CD101: variants seen among roughly 807,000 people sequenced by gnomAD.
CD101 encodes immunoglobulin superfamily member 2.
In CD101, 76 loss-of-function variants were observed where a neutral mutation model predicts 98.2. That is an observed-to-expected ratio of 0.77 (90% CI 0.64 to 0.94). The LOEUF (loss-of-function observed/expected upper bound fraction) is 0.94. CD101 is among the 40% of genes least tolerant of loss of function. The probability of loss-of-function intolerance (pLI) is 0.00; values close to 1 mark genes in which losing one functional copy is unlikely to be tolerated. For missense variants in CD101, 1,145 were observed against 1,218.8 expected (o/e 0.94, Z 0.90); for synonymous variants, 471 against 472.7 (o/e 1.00, Z 0.05).
At chr1:117,007,948 T>C (rs1283908476) in intron 1 of CD101, among the ~76,000 whole-genome samples, 3 of 152,200 alleles carry the variant, frequency 2.0e-5, no homozygotes, top group African/African-American at 4.8e-5. Context: ...ATGAGCAGTG[T>C]AGCTGTGCAT....
intron 8 of CD101, among the ~76,000 whole-genome samples, chr1:117,028,102 T>TAAATAAAATA (rs1553188134): frequency 2.1e-5 from 3 of 145,448 alleles, no homozygotes; most frequent in South Asian, 2.2e-4. Context: ...AATAAATAAA[T>TAAATAAAATA]AAATAAAATA....
Position 117,019,069 on chromosome 1 carries a change from A to T in CD101, c.2017+509A>T, listed in dbSNP as rs994966639. On this transcript the variant is annotated intron_variant, in intron 6 of 9. Coordinates refer to ENST00000682167, the MANE Select transcript of CD101 (RefSeq NM_001256106.3). The surrounding 1 kb of genome is among the most constrained non-coding windows in gnomAD (Gnocchi z 4.3). The stretch of plus-strand genomic sequence containing the variant: ...ATTACAATCAAATATAATCCATCTC[A>T]TCAACTGATAATAGAGCATAGGAGT... Among the ~76,000 whole-genome samples the T allele has an allele frequency of 6.6e-6, 1 of 152,226 alleles. No homozygotes were observed. Among genetic ancestry groups the T allele is most frequent in the African/African-American group, 2.4e-5 (1 of 41,454 alleles).
intron 9 of CD101, among the ~76,000 whole-genome samples, chr1:117,034,868 C>A (rs1462758050): frequency 1.3e-5 from 2 of 152,220 alleles, no homozygotes; most frequent in Non-Finnish European, 2.9e-5. Flanking sequence ...CCCCCTACAC[C>A]TCCATATCCC....
At position 117,025,873 on chromosome 1, in the gene CD101, A is replaced by G; in HGVS notation, c.2793A>G (p.Ser931=). The G allele has an allele frequency of 6.2e-7, 1 of 1,613,424 alleles. No homozygotes were observed. The highest frequency in any genetic ancestry group is 2.2e-5 in the East Asian group (1 of 44,884). The change falls in exon 8 of 10, where the codon TCA becomes TCG. Residue 931 remains serine (S), a synonymous_variant. Coordinates refer to ENST00000682167, the MANE Select transcript of CD101 (RefSeq NM_001256106.3). ...GGATTAATCAAGCATCCGATGAGTC[A>G]CAGCGGATGGTGCTCACGGTGCTGC... is the stretch of plus-strand genomic sequence containing the variant. ...SKWINQASDE[S]QRMVLTVLPS... is the part of the protein sequence containing the mutation.
intron 1 of CD101, among the ~76,000 whole-genome samples, chr1:117,003,474 G>T (rs916230291): frequency 6.6e-6 from 1 of 152,198 alleles, no homozygotes; most frequent in East Asian, 1.9e-4. Context: ...TGATGGATAG[G>T]TGCACTGGTG....
rs1652431065 is a variant in CD101 at position 117,004,743 on chromosome 1, C to T, written c.43+2883C>T. On this transcript the variant is annotated intron_variant, in intron 1 of 9. Transcript: ENST00000682167. The surrounding 1 kb of genome is among the most constrained non-coding windows in gnomAD (Gnocchi z 4.1). ...AGTGCATAGCCATTTGAGTTGATCT[C>T]TGCCAGTCATGCCTTCTACCTGAAA... Among the ~76,000 whole-genome samples the T allele has an allele frequency of 6.6e-6, 1 of 152,110 alleles. No homozygotes were observed. The highest frequency in any genetic ancestry group is 1.5e-5 in the Non-Finnish European group (1 of 68,030).
chr1:117,009,311 G>C (rs559060368), intron 1 of CD101, among the ~76,000 whole-genome samples: 1 of 152,188 alleles, frequency 6.6e-6, no homozygotes, highest in Non-Finnish European at 1.5e-5. Flanking sequence ...CTGCTGCCTC[G>C]TCAGATGCTA....
intron 4 of CD101, among the ~76,000 whole-genome samples, chr1:117,016,577 A>AT (rs1389233025): frequency 2.0e-5 from 3 of 152,202 alleles, no homozygotes; most frequent in African/African-American, 7.2e-5. Flanking sequence ...TGTTTAAGTA[A>AT]GCTGGGTGCA....
rs922948588 is a variant in CD101 at position 117,012,873 on chromosome 1, T to C, written c.842-533T>C. On this transcript the variant is annotated intron_variant, in intron 3 of 9. Transcript: ENST00000682167. This position sits in a 1 kb window ranked among gnomAD's most constrained non-coding sequence, Gnocchi z 4.0. Reference sequence around the variant, plus strand: ...ATGATCCAATAGTGGATCATTAAAGTTTTTTCTTTATTAAAAACAGTATTA... The same window carrying C: ...ATGATCCAATAGTGGATCATTAAAGCTTTTTCTTTATTAAAAACAGTATTA... 7.2e-5 allele frequency among the ~76,000 whole-genome samples: 11 copies of C among 152,276 alleles called. No individual in the cohort carries two copies. The highest frequency in any genetic ancestry group is 2.6e-4 in the African/African-American group (11 of 41,570).
chr1:117,023,772 G>A lies in CD101; in HGVS notation c.2429-1737G>A, dbSNP rs1653721451. ...CAGAACATACCTGTGGGCTTGGTGTGGCTGTGGACTTCCGGTTGTGCACGT... is the reference window on the plus strand; with the variant it reads ...CAGAACATACCTGTGGGCTTGGTGTAGCTGTGGACTTCCGGTTGTGCACGT... On this transcript the variant is annotated intron_variant, in intron 7 of 9. Transcript: ENST00000682167. The surrounding 1 kb of genome is among the most constrained non-coding windows in gnomAD (Gnocchi z 4.4). 6.6e-6 allele frequency among the ~76,000 whole-genome samples: 1 copy of A among 152,046 alleles called. No individual in the cohort carries two copies. The highest frequency in any genetic ancestry group is 2.1e-4 in the South Asian group (1 of 4,826).
chr1:117,012,556 C>T lies in CD101; in HGVS notation c.841+590C>T, dbSNP rs868735225. 2.0e-5 allele frequency among the ~76,000 whole-genome samples: 3 copies of T among 152,210 alleles called. No homozygotes were observed. Among genetic ancestry groups the T allele is most frequent in the South Asian group, 2.1e-4 (1 of 4,816 alleles). On this transcript the variant is annotated intron_variant, in intron 3 of 9. Transcript: ENST00000682167. The surrounding 1 kb of genome is among the most constrained non-coding windows in gnomAD (Gnocchi z 4.0). ...CCCAACTTGGAATGCAGTGACTTTG[C>T]TTTTTTATTATTTTTTTAATTTTTA...
In CD101 at chr1:117,022,805, C is replaced by CCTAAGCT. The variant is rs1437987495; in HGVS notation, c.2428+823_2428+824insTAAGCTC. On this transcript the variant is annotated intron_variant, in intron 7 of 9. Transcript: ENST00000682167. This position sits in a 1 kb window ranked among gnomAD's most constrained non-coding sequence, Gnocchi z 4.8. ...AAAGATAAAGAAGGCACAGCCCTGG[C>CCTAAGCT]CCTTAAGGAGCTCCCAGTCTGGTGG... is the stretch of plus-strand genomic sequence containing the variant. 6.6e-6 allele frequency among the ~76,000 whole-genome samples: 1 copy of CCTAAGCT among 152,208 alleles called. No individual in the cohort carries two copies. Among genetic ancestry groups the CCTAAGCT allele is most frequent in the African/African-American group, 2.4e-5 (1 of 41,450 alleles).
rs145720837 is a variant in CD101 at position 117,006,035 on chromosome 1, G to T, written c.44-3815G>T. On this transcript the variant is annotated intron_variant, in intron 1 of 9. Coordinates refer to ENST00000682167, the MANE Select transcript of CD101 (RefSeq NM_001256106.3). The surrounding 1 kb of genome is among the most constrained non-coding windows in gnomAD (Gnocchi z 4.4). ...GTCTATTCCATGGTCTTCAAATTTAGTATTTCTAAAATTAAATGCATTATA... is the reference window on the plus strand; with the variant it reads ...GTCTATTCCATGGTCTTCAAATTTATTATTTCTAAAATTAAATGCATTATA... Among the ~76,000 whole-genome samples the T allele has an allele frequency of 2.6e-5, 4 of 151,942 alleles. No homozygotes were observed. The highest frequency in any genetic ancestry group is 9.7e-5 in the African/African-American group (4 of 41,386).
At chr1:117,020,543 CAAACA>C (rs1388944465) in intron 6 of CD101, among the ~76,000 whole-genome samples, 2 of 152,162 alleles carry the variant, frequency 1.3e-5, no homozygotes, top group Admixed American at 1.3e-4. Context: ...GACTCCATCT[CAAACA>C]AAACAAAACA....
Position 117,033,610 on chromosome 1 carries a change from A to C in CD101, c.2825-250A>C, listed in dbSNP as rs1654603077. 1.3e-5 allele frequency among the ~76,000 whole-genome samples: 2 copies of C among 152,112 alleles called. No homozygotes were observed. The highest frequency in any genetic ancestry group is 4.8e-5 in the African/African-American group (2 of 41,408). ...TTCATTTTGGCTGTTAGTTTTAAGT[A>C]GGTCATTGGAACCTCCAGTGGTTGG... On this transcript the variant is annotated intron_variant, in intron 8 of 9. Coordinates refer to ENST00000682167, the MANE Select transcript of CD101 (RefSeq NM_001256106.3). This position sits in a 1 kb window ranked among gnomAD's most constrained non-coding sequence, Gnocchi z 4.8.
At chr1:117,035,549 C>CTTTT in intron 9 of CD101, among the ~76,000 whole-genome samples, 1 of 136,668 alleles carries the variant, frequency 7.3e-6, no homozygotes, top group Non-Finnish European at 1.6e-5. Context: ...GAAATGAAGA[C>CTTTT]TTTTTTTTTT....
chr1:117,025,978 A>C, intron 8 of CD101, 74 bp downstream of exon 8: 23 of 1,460,270 alleles, frequency 1.6e-5, no homozygotes, highest in Non-Finnish European at 2.0e-5. Context: ...TCTCCCTCTC[A>C]CCTATCTTTT....
chr1:117,025,068 T>C (rs1653818018), intron 7 of CD101, among the ~76,000 whole-genome samples: 1 of 152,106 alleles, frequency 6.6e-6, no homozygotes. Flanking sequence ...AGGACAAGAA[T>C]TAAAATGAAT....
In CD101 at chr1:117,029,199, GAAAGAAAAGAAAGAAAA is replaced by G. The variant is rs1557778848; in HGVS notation, c.2824+3296_2824+3312del. On this transcript the variant is annotated intron_variant, in intron 8 of 9. Transcript: ENST00000682167. ...AGAAAGAAAGAAAGAAAGAAAGAAA[GAAAGAAAAGAAAGAAAA>G]GAAAGAAAGAAAGAAAGAAAGAAAG... is the stretch of plus-strand genomic sequence containing the variant. 4.8e-3 allele frequency among the ~76,000 whole-genome samples: 194 copies of G among 40,646 alleles called. 8 individuals are homozygous for G. Among genetic ancestry groups the G allele is most frequent in the Non-Finnish European group, 5.5e-3 (124 of 22,560 alleles). 26.7% of individuals were successfully genotyped at this position (40,646 alleles called of 152,430 possible).
Sources: allele counts gnomAD v4.1 joint callset (sites outside exome capture counted in the v4.1 genomes callset), GRCh38; gene constraint gnomAD v4.1.1; non-coding constraint Gnocchi (gnomAD v3.1); transcripts MANE v1.5; gene names NCBI Gene and HGNC (gene_info 2026-07-23, HGNC 2026-07-21).